Variants in PIWIL1 observed in about 807,000 individuals in gnomAD.
PIWIL1 encodes piwi like RNA-mediated gene silencing 1.
A neutral mutation model predicts 114.4 loss-of-function variants in PIWIL1; 73 were observed. That is an observed-to-expected ratio of 0.64 (90% CI 0.53 to 0.78). The LOEUF (loss-of-function observed/expected upper bound fraction) is 0.78, where lower values mean the gene tolerates loss of function less well. PIWIL1 is among the 30% of genes least tolerant of loss of function. PIWIL1 has a pLI of 0.00. For synonymous variants in PIWIL1, 375 were observed against 369.0 expected, an observed-to-expected ratio of 1.02 and a Z score of -0.19; for missense variants, 723 against 1,063.1, an observed-to-expected ratio of 0.68 and a Z score of 4.45.
Position 130,363,034 on chromosome 12 carries a change from C to G in PIWIL1, c.2085C>G (p.Ser695Arg). 1.2e-6 allele frequency: 2 copies of G among 1,614,210 alleles called. No homozygotes were observed. The highest frequency in any genetic ancestry group is 1.7e-5 in the Admixed American group (1 of 60,030). The change falls in exon 18 of 21, where the codon AGC (serine) becomes AGG (arginine). Residue 695 changes from serine (S) to arginine (R), a missense_variant. By Grantham distance (110) the Ser-to-Arg change is moderately radical (BLOSUM62 -1). Transcript: ENST00000245255. ...ATAGCTGCAATGAGTACATGCCCAG[C>G]CGGATCATCGTGTACCGCGATGGCG... ...AWNSCNEYMP[S>R]RIIVYRDGVG...
intron 9 of PIWIL1, among the ~76,000 whole-genome samples, chr12:130,353,365 G>A (rs2073271529): frequency 6.7e-6 from 1 of 148,958 alleles, no homozygotes; most frequent in African/African-American, 2.5e-5. Flanking sequence ...TTGTTCTTCT[G>A]GTGTGCTCAG....
At position 130,354,873 on chromosome 12, in the gene PIWIL1, A is replaced by G. The variant is rs778554091; in HGVS notation, c.1172-15A>G. The G allele has an allele frequency of 7.0e-6, 11 of 1,560,572 alleles. No individual in the cohort carries two copies. Among genetic ancestry groups the G allele is most frequent in the Non-Finnish European group, 8.8e-6 (10 of 1,132,598 alleles). ...TATTTCTTTAACCATATGCCTTTAA[A>G]TGTCTTATTTAAAGGTCTAACTGAT... On this transcript the variant is annotated splice_polypyrimidine_tract_variant and intron_variant, in intron 10 of 20. Transcript: ENST00000245255.
intron 1 of PIWIL1, among the ~76,000 whole-genome samples, chr12:130,339,293 C>T (rs968892857): frequency 4.6e-5 from 7 of 152,286 alleles, no homozygotes; most frequent in South Asian, 2.1e-4. Context: ...TGGATGCTCT[C>T]GCCGTCTTCA....
chr12:130,412,639 T>C, the PIWIL1 span: 1 of 1,614,074 alleles, frequency 6.2e-7, no homozygotes, highest in Non-Finnish European at 8.5e-7. Context: ...CACAGGTGTA[T>C]TCAGAGGGAG....
Position 130,347,066 on chromosome 12 carries a change from T to C in PIWIL1, c.653+4T>C. The C allele has an allele frequency of 6.3e-7, 1 of 1,596,626 alleles. No homozygotes were observed. Among genetic ancestry groups the C allele is most frequent in the Non-Finnish European group, 8.5e-7 (1 of 1,169,696 alleles). On this transcript the variant is annotated splice_donor_region_variant and intron_variant, in intron 6 of 20. Coordinates refer to ENST00000245255, the MANE Select transcript of PIWIL1 (RefSeq NM_004764.5). ...TCTATAATATTATTTTCAGGAGGTA[T>C]GTGTTTTATTTCAACATTTTATTAA...
chr12:130,425,883 C>T, the PIWIL1 span: 1 of 152,538 alleles, frequency 6.6e-6, no homozygotes, highest in East Asian at 1.9e-4. Context: ...TCTTGGGGAC[C>T]ATGTGGGATT....
intron 6 of PIWIL1, among the ~76,000 whole-genome samples, chr12:130,347,508 T>A (rs2073100751): frequency 6.6e-6 from 1 of 152,218 alleles, no homozygotes. Flanking sequence ...TTTTGTTTTT[T>A]GAGGGGGATG....
chr12:130,348,277 G>T, intron 7 of PIWIL1, 94 bp downstream of exon 7: 2 of 662,912 alleles, frequency 3.0e-6, no homozygotes, highest in South Asian at 3.9e-5. Context: ...TTACTACAGT[G>T]ACTGTTAATG....
At chr12:130,363,448 C>T (rs1051104616) in intron 18 of PIWIL1, among the ~76,000 whole-genome samples, 5 of 152,086 alleles carry the variant, frequency 3.3e-5, no homozygotes, top group Admixed American at 3.3e-4. Flanking sequence ...TAATTCTGTA[C>T]ATCCAAAGGC....
At chr12:130,338,468 G>T (rs879319635) in intron 1 of PIWIL1, among the ~76,000 whole-genome samples, 1 of 28,148 alleles carries the variant, frequency 3.6e-5, no homozygotes, top group Non-Finnish European at 8.6e-5. Context: ...GGGTGCGGGG[G>T]CGAGGTCCCA....
the PIWIL1 span, among the ~76,000 whole-genome samples, chr12:130,413,972 C>T: frequency 2.6e-5 from 4 of 152,220 alleles, no homozygotes; most frequent in East Asian, 1.9e-4. Context: ...GGGCCCTTGC[C>T]GTCACAGCAC....
chr12:130,419,949 A>C, the PIWIL1 span: 1 of 152,204 alleles, frequency 6.6e-6, no homozygotes, highest in Non-Finnish European at 1.5e-5. This position sits in a 1 kb window ranked among gnomAD's most constrained non-coding sequence, Gnocchi z 4.3. Context: ...GAAAATATTA[A>C]AATTTATATT....
At chr12:130,362,048 A>G (rs1463273434) in intron 16 of PIWIL1, among the ~76,000 whole-genome samples, 2 of 152,220 alleles carry the variant, frequency 1.3e-5, no homozygotes, top group African/African-American at 4.8e-5. Flanking sequence ...AGTTGTTGAC[A>G]TTAGTAATGG....
chr12:130,404,263 G>A, the PIWIL1 span, among the ~76,000 whole-genome samples: 2 of 152,082 alleles, frequency 1.3e-5, no homozygotes, highest in Admixed American at 6.5e-5. Flanking sequence ...ATGCTAGGGG[G>A]AAAAATCATT....
intron 18 of PIWIL1, 132 bp downstream of exon 18, chr12:130,363,276 G>T: frequency 1.1e-6 from 1 of 888,632 alleles, no homozygotes; most frequent in African/African-American, 1.7e-5. Context: ...TGAGGTGATG[G>T]GAAGGGCAGA....
chr12:130,390,650 C>G, the PIWIL1 span, among the ~76,000 whole-genome samples: 2 of 152,212 alleles, frequency 1.3e-5, no homozygotes, highest in Non-Finnish European at 2.9e-5. Context: ...TCTTCTGTCT[C>G]TGACTCAAGG....
the PIWIL1 span, among the ~76,000 whole-genome samples, chr12:130,377,758 C>A: frequency 3.3e-5 from 5 of 152,302 alleles, no homozygotes; most frequent in Admixed American, 1.3e-4. Context: ...TCAGCTGTGG[C>A]AGGGCCTGAG....
intron 10 of PIWIL1, 32 bp downstream of exon 10, chr12:130,354,695 G>GC (rs766303134): frequency 4.6e-5 from 71 of 1,545,660 alleles, no homozygotes; most frequent in Non-Finnish European, 2.9e-5. Context: ...TCGGAAGGAA[G>GC]CCACTGGATT....
the PIWIL1 span, chr12:130,424,515 C>T: frequency 5.7e-6 from 7 of 1,232,018 alleles, no homozygotes; most frequent in South Asian, 4.1e-5. This position sits in a 1 kb window ranked among gnomAD's most constrained non-coding sequence, Gnocchi z 9.8. Context: ...GTCCAGGCCG[C>T]TGTCCGGGCT....
Sources: allele counts gnomAD v4.1 joint callset (sites outside exome capture counted in the v4.1 genomes callset), GRCh38; gene constraint gnomAD v4.1.1; non-coding constraint Gnocchi (gnomAD v3.1); transcripts MANE v1.5; gene names NCBI Gene and HGNC (gene_info 2026-07-23, HGNC 2026-07-21).